Variants in PCDH15 observed in about 807,000 individuals in gnomAD.
PCDH15 encodes the protein protocadherin related 15.
PCDH15 carries 129 observed loss-of-function variants against 178.5 expected under a neutral mutation model. The observed-to-expected ratio is 0.72, with a 90% confidence interval of 0.63 to 0.84. The LOEUF is 0.84. Ranked by LOEUF, PCDH15 falls within the 40% of genes least tolerant of loss-of-function variation. The probability of loss-of-function intolerance (pLI) is 0.00; values close to 1 mark genes in which losing one functional copy is unlikely to be tolerated. For synonymous variants in PCDH15, 800 were observed against 732.0 expected (o/e 1.09, Z -1.50); for missense variants, 2,230 against 2,099.9 (o/e 1.06, Z -1.21).
chr10:54,179,005 T>G (rs1355143840), intron 13 of PCDH15, among the ~76,000 whole-genome samples: 2 of 152,152 alleles, frequency 1.3e-5, no homozygotes, highest in Admixed American at 1.3e-4. Flanking sequence ...TGGAAGTCAG[T>G]GTGGTGATTC....
In PCDH15 at chr10:55,518,077, G is replaced by A. The variant is rs1226140165; in HGVS notation, c.-156+109548C>T. 2.6e-5 allele frequency among the ~76,000 whole-genome samples: 4 copies of A among 152,190 alleles called. No individual in the cohort carries two copies. In the East Asian group the frequency reaches 7.8e-4, roughly 30 times the overall value. ...GTCTCCCAGTCTCTGTTGGAGGACA[G>A]GAACATAACTTCCATTAGCAGCAGT... is the stretch of plus-strand genomic sequence containing the variant. On this transcript the variant is annotated intron_variant, in intron 2 of 5. Transcript: ENST00000613346.
chr10:55,167,428 T>C (rs1031110489), intron 1 of PCDH15, among the ~76,000 whole-genome samples: 10 of 152,164 alleles, frequency 6.6e-5, no homozygotes, highest in African/African-American at 2.4e-4. Flanking sequence ...ACTTTTGGAT[T>C]TCAAAATTTT....
rs962170940 is a variant in PCDH15, at chr10:53,806,486, A to C, written c.*93T>G. 1.6e-5 allele frequency: 18 copies of C among 1,124,460 alleles called. No individual in the cohort carries two copies. The highest frequency in any genetic ancestry group is 8.1e-5 in the Admixed American group (3 of 37,006). The allele number at this position is 1,124,460 out of a possible 1,614,324, so 69.7% of individuals were successfully genotyped here. Reference sequence around the variant, plus strand: ...AAGTTTTAGCTTGTGTGCATGATATAAATTCCATACATTGTTTTCTCAGTG... The same window carrying C: ...AAGTTTTAGCTTGTGTGCATGATATCAATTCCATACATTGTTTTCTCAGTG... On this transcript the variant is annotated 3_prime_UTR_variant, in exon 38 of 38. Coordinates refer to ENST00000644397, the MANE Select transcript of PCDH15 (RefSeq NM_001384140.1).
At chr10:54,372,893 T>C (rs961476539) in intron 4 of PCDH15, among the ~76,000 whole-genome samples, 2 of 151,842 alleles carry the variant, frequency 1.3e-5, no homozygotes, top group African/African-American at 4.8e-5. Flanking sequence ...GTATAGGTTA[T>C]GATATGTGTA....
chr10:54,966,861 A>G (rs1318388131), intron 2 of PCDH15, among the ~76,000 whole-genome samples: 1 of 152,094 alleles, frequency 6.6e-6, no homozygotes, highest in Non-Finnish European at 1.5e-5. Context: ...TTTATAAATT[A>G]CCCAGCCTCA....
chr10:54,335,147 G>A (rs1940797774), intron 6 of PCDH15, among the ~76,000 whole-genome samples: 1 of 152,182 alleles, frequency 6.6e-6, no homozygotes, highest in African/African-American at 2.4e-5. Context: ...GTAAGGCTAT[G>A]CAATTTTTGT....
chr10:54,615,103 C>T (rs1937406), intron 2 of PCDH15, among the ~76,000 whole-genome samples: 26,392 of 151,858 alleles, frequency 0.17, 2,440 homozygotes, highest in African/African-American at 0.19. Flanking sequence ...GGATAAAGTA[C>T]GCTGAAAGGT....
chr10:53,817,057 T>C (rs1231137935), intron 34 of PCDH15, among the ~76,000 whole-genome samples: 4 of 152,196 alleles, frequency 2.6e-5, no homozygotes, highest in Non-Finnish European at 5.9e-5. Context: ...GAAAAGTGGG[T>C]AGTGAGGTTC....
intron 1 of PCDH15, among the ~76,000 whole-genome samples, chr10:55,238,794 T>A (rs1841463809): frequency 1.3e-5 from 2 of 152,118 alleles, no homozygotes; most frequent in Admixed American, 6.5e-5. Context: ...CATACAGGTG[T>A]ACAAGGTGTA....
chr10:54,773,112 G>A (rs1949288174), intron 1 of PCDH15, among the ~76,000 whole-genome samples: 1 of 151,986 alleles, frequency 6.6e-6, no homozygotes, highest in Non-Finnish European at 1.5e-5. Context: ...GTGGGGGGCA[G>A]GGAGAACATC....
At chr10:54,132,777 G>C in intron 15 of PCDH15, 98 bp downstream of exon 15, 1 of 1,526,140 alleles carries the variant, frequency 6.6e-7, no homozygotes, top group South Asian at 1.2e-5. Context: ...AAGCATGTGA[G>C]GTTTCTCCCT....
chr10:54,821,444 A>G (rs1306041076), intron 3 of PCDH15, among the ~76,000 whole-genome samples: 1 of 152,102 alleles, frequency 6.6e-6, no homozygotes, highest in Non-Finnish European at 1.5e-5. Flanking sequence ...GTAAAATTAG[A>G]AGTAAAAGTG....
intron 2 of PCDH15, among the ~76,000 whole-genome samples, chr10:55,108,397 AT>A (rs1428408910): frequency 1.3e-5 from 2 of 152,186 alleles, no homozygotes; most frequent in Non-Finnish European, 2.9e-5. Flanking sequence ...CATTTTCATA[AT>A]GTTTGTGTAG....
chr10:54,047,831 G>C (rs549576689), intron 18 of PCDH15, among the ~76,000 whole-genome samples: 1 of 152,072 alleles, frequency 6.6e-6, no homozygotes, highest in African/African-American at 2.4e-5. Context: ...GGGCATCTAG[G>C]TTAATTCCAT....
chr10:55,115,391 C>A (rs549766525), intron 2 of PCDH15, among the ~76,000 whole-genome samples: 10 of 152,300 alleles, frequency 6.6e-5, no homozygotes, highest in African/African-American at 2.4e-4. Flanking sequence ...TCACAATATG[C>A]TAGTGAAAGC....
chr10:54,384,835 TTAATA>T (rs1450614264), intron 3 of PCDH15, among the ~76,000 whole-genome samples: 1 of 152,122 alleles, frequency 6.6e-6, no homozygotes, highest in African/African-American at 2.4e-5. Flanking sequence ...TTACACATAT[TTAATA>T]TTAGTTAAAA....
rs146164267 is a variant in PCDH15, at chr10:54,766,601, T to C, written c.-29+34324A>G. 7.1e-4 allele frequency among the ~76,000 whole-genome samples: 108 copies of C among 152,016 alleles called. 1 individual carries two copies. The highest frequency in any genetic ancestry group is 2.4e-3 in the African/African-American group (101 of 41,474). The stretch of plus-strand genomic sequence containing the variant: ...TATCACATAGTGATACAACTTTTTA[T>C]ACACTACAAATAGACTGGGTCAGAA... On this transcript the variant is annotated intron_variant, in intron 1 of 37. Transcript: ENST00000644397.
chr10:55,349,157 C>T (rs1844842158), intron 2 of PCDH15, among the ~76,000 whole-genome samples: 1 of 151,994 alleles, frequency 6.6e-6, no homozygotes, highest in South Asian at 2.1e-4. Context: ...TAGTCATGGA[C>T]CAGGAAGACA....
intron 2 of PCDH15, among the ~76,000 whole-genome samples, chr10:55,437,008 C>T: frequency 6.6e-6 from 1 of 152,142 alleles, no homozygotes; most frequent in Non-Finnish European, 1.5e-5. Flanking sequence ...TCAGAAGAGT[C>T]ATTTTGTTCC....
Sources: allele counts gnomAD v4.1 joint callset (sites outside exome capture counted in the v4.1 genomes callset), GRCh38; gene constraint gnomAD v4.1.1; transcripts MANE v1.5; gene names NCBI Gene and HGNC (gene_info 2026-07-23, HGNC 2026-07-21).